Variants in DBH observed in about 807,000 individuals in gnomAD.
The protein encoded by DBH is dopamine beta-hydroxylase (dopamine beta-monooxygenase).
A neutral mutation model predicts 64.0 loss-of-function variants in DBH; 49 were observed. That is an observed-to-expected ratio of 0.77 (90% CI 0.61 to 0.97). The LOEUF is 0.97. DBH is among the 50% of genes least tolerant of loss of function. The pLI is 0.00. For synonymous variants in DBH, 343 were observed against 347.1 expected, an observed-to-expected ratio of 0.99 and a Z score of 0.13; for missense variants, 828 against 826.6, an observed-to-expected ratio of 1.00 and a Z score of -0.02.
At chr9:133,639,459 AG>A (rs1174473417) in intron 1 of DBH, among the ~76,000 whole-genome samples, 1 of 151,990 alleles carries the variant, frequency 6.6e-6, no homozygotes, top group Non-Finnish European at 1.5e-5. Context: ...CATTGGTCTG[AG>A]GCATTGTTCC....
At chr9:133,636,818 T>G in intron 1 of DBH, 108 bp downstream of exon 1, 1 of 1,082,366 alleles carries the variant, frequency 9.2e-7, no homozygotes, top group Non-Finnish European at 1.4e-6. Context: ...TTCTGTCACC[T>G]GTCAGTGTTT....
At position 133,638,730 on chromosome 9, in the gene DBH, A is replaced by C. The variant is rs936782017; in HGVS notation, c.340-1116A>C. 4.6e-5 allele frequency among the ~76,000 whole-genome samples: 7 copies of C among 152,264 alleles called. No individual in the cohort carries two copies. The East Asian group carries it at 1.2e-3, about 25-fold the overall frequency. On this transcript the variant is annotated intron_variant, in intron 1 of 11. Coordinates refer to ENST00000393056, the MANE Select transcript of DBH (RefSeq NM_000787.4). ...TTGGAGGGCAGGACAGGTGTAAACA[A>C]CTCTGACCATCTGTTTGAGCCTTCA... is the stretch of plus-strand genomic sequence containing the variant.
At chr9:133,648,070 G>A in intron 6 of DBH, 58 bp downstream of exon 6, 4 of 1,561,018 alleles carry the variant, frequency 2.6e-6, no homozygotes, top group Non-Finnish European at 2.6e-6. Flanking sequence ...CTCAGTGGAG[G>A]CCTGGCAGGT....
Position 133,651,151 on chromosome 9 carries a change from C to T in DBH, c.1192-483C>T, listed in dbSNP as rs566235929. On this transcript the variant is annotated intron_variant, in intron 6 of 11. Transcript: ENST00000393056. Reference sequence around the variant, plus strand: ...CTTTGAAGCTGAAAGGAAGCCACAACGCAGGGCAGCTGAAGGTCCTGCTCG... The same window carrying T: ...CTTTGAAGCTGAAAGGAAGCCACAATGCAGGGCAGCTGAAGGTCCTGCTCG... 1.3e-4 allele frequency among the ~76,000 whole-genome samples: 20 copies of T among 152,364 alleles called. No individual in the cohort carries two copies. In the East Asian group the frequency reaches 2.9e-3, roughly 22 times the overall value.
In DBH at chr9:133,657,086, G is replaced by A. The variant is rs1832332200; in HGVS notation, c.1579G>A (p.Val527Ile). The A allele has an allele frequency of 6.2e-6, 10 of 1,613,834 alleles. No homozygotes were observed. Among genetic ancestry groups the A allele is most frequent in the African/African-American group, 1.3e-5 (1 of 74,940 alleles). The change falls in exon 11 of 12, where the codon GTC becomes ATC. Residue 527 changes from valine to isoleucine, a missense_variant. Coordinates refer to ENST00000393056, the MANE Select transcript of DBH (RefSeq NM_000787.4). ...HLINRFNNED[V>I]CTCPQASVSQ... ...CCCCACCAGGTTCAACAACGAGGAT[G>A]TCTGCACCTGCCCTCAGGCGTCCGT...
intron 7 of DBH, 27 bp from the exon 8 acceptor site, chr9:133,652,219 C>T (rs1465946710): frequency 1.2e-6 from 2 of 1,613,714 alleles, no homozygotes; most frequent in Non-Finnish European, 1.7e-6. Context: ...TCTCCTCTCC[C>T]CCACCCCTCG....
Position 133,643,377 on chromosome 9 carries a change from G to A in DBH, c.745-36G>A. On this transcript the variant is annotated intron_variant, in intron 3 of 11. Transcript: ENST00000393056. This position sits in a 1 kb window ranked among gnomAD's most constrained non-coding sequence, Gnocchi z 5.3. ...GCTGCTGGGGAGGGGAGGGTGGGCG[G>A]CCGGTTCCCGGGCTCAGAGGGCTGC... is the stretch of plus-strand genomic sequence containing the variant. 1.9e-6 allele frequency: 3 copies of A among 1,611,928 alleles called. No homozygotes were observed. Among genetic ancestry groups the A allele is most frequent in the African/African-American group, 1.3e-5 (1 of 74,928 alleles).
chr9:133,645,908 G>A (rs1832175758), intron 5 of DBH, among the ~76,000 whole-genome samples: 2 of 152,194 alleles, frequency 1.3e-5, no homozygotes, highest in Non-Finnish European at 2.9e-5. Flanking sequence ...GAAAGGGGTA[G>A]GTTATGCTTA....
chr9:133,657,519 G>GGAGAGA (rs1212098005), intron 11 of DBH, among the ~76,000 whole-genome samples: 2 of 146,138 alleles, frequency 1.4e-5, no homozygotes, highest in East Asian at 2.0e-4. Flanking sequence ...AGAGAGAGAG[G>GGAGAGA]GAGAGAGAGA....
chr9:133,641,776 G>A (rs564410126), intron 2 of DBH, among the ~76,000 whole-genome samples: 2 of 152,314 alleles, frequency 1.3e-5, no homozygotes, highest in East Asian at 3.9e-4. Flanking sequence ...CCATCAGCAA[G>A]CCCCAGGGTG....
At chr9:133,652,895 AACG>A in intron 8 of DBH, 42 bp from the exon 9 acceptor site, 6 of 1,512,510 alleles carry the variant, frequency 4.0e-6, no homozygotes, top group Non-Finnish European at 5.5e-6. Context: ...AGCACCTGCC[AACG>A]CCAGGTGGCA....
Position 133,643,285 on chromosome 9 carries a change from G to C in DBH, c.745-128G>C, listed in dbSNP as rs1832138780. The C allele has an allele frequency of 6.3e-6, 6 of 954,508 alleles. No homozygotes were observed. 59.1% of individuals were successfully genotyped at this position (954,508 alleles called of 1,614,324 possible). A position where few individuals can be genotyped will look rare whatever the true frequency, so the allele number is the denominator to read the frequency against. ...CCTCAAGGCTGTGAACCCCAGAAGT[G>C]CCCCTGAAATTGTCTGGATCATCCC... On this transcript the variant is annotated intron_variant, in intron 3 of 11. Transcript: ENST00000393056. The surrounding 1 kb of genome is among the most constrained non-coding windows in gnomAD (Gnocchi z 5.3).
At chr9:133,638,487 A>G (rs927883304) in intron 1 of DBH, among the ~76,000 whole-genome samples, 1 of 152,202 alleles carries the variant, frequency 6.6e-6, no homozygotes, top group Non-Finnish European at 1.5e-5. Flanking sequence ...TCCATGGGAA[A>G]GGCCAGGCAG....
At chr9:133,654,260 C>G (rs531196762) in intron 9 of DBH, among the ~76,000 whole-genome samples, 1 of 152,130 alleles carries the variant, frequency 6.6e-6, no homozygotes, top group Non-Finnish European at 1.5e-5. Flanking sequence ...CCCACCACCA[C>G]GCCTGGCTAA....
chr9:133,653,088 A>C, intron 9 of DBH, 89 bp downstream of exon 9: 1 of 1,018,794 alleles, frequency 9.8e-7, no homozygotes, highest in South Asian at 1.3e-5. Context: ...TTGACTCCTC[A>C]CTTAGGGCAT....
At chr9:133,656,085 T>G in intron 9 of DBH, 1 of 314,338 alleles carries the variant, frequency 3.2e-6, no homozygotes, top group Non-Finnish European at 6.2e-6. Context: ...GGGCCTCCCT[T>G]GCAGTCCTTG....
chr9:133,657,256 C>T (rs1832335847), intron 11 of DBH, 27 bp downstream of exon 11: 1 of 1,612,682 alleles, frequency 6.2e-7, no homozygotes, highest in Admixed American at 1.7e-5. Context: ...CCGGGTGGGG[C>T]ATGCAGTCAG....
In DBH at chr9:133,639,839, TC is replaced by T; in HGVS notation, c.340-6del. On this transcript the variant is annotated splice_polypyrimidine_tract_variant and splice_region_variant and intron_variant, in intron 1 of 11. Transcript: ENST00000393056. Reference sequence around the variant, plus strand: ...TCATGCCTGGAGCCCAGTGCTTGTCTCTGCAGGACGCCTGGAGTGACCAGAA... The same window carrying T: ...TCATGCCTGGAGCCCAGTGCTTGTCTTGCAGGACGCCTGGAGTGACCAGAA... 6.2e-7 allele frequency: 1 copy of T among 1,608,754 alleles called. No individual in the cohort carries two copies. Among genetic ancestry groups the T allele is most frequent in the Non-Finnish European group, 8.5e-7 (1 of 1,178,324 alleles).
At position 133,644,959 on chromosome 9, in the gene DBH, A is replaced by G. The variant is rs28738882; in HGVS notation, c.1024+639A>G. 6.3e-5 allele frequency among the ~76,000 whole-genome samples: 4 copies of G among 63,864 alleles called. No individual in the cohort carries two copies. The East Asian group carries it at 7.9e-4, about 13-fold the overall frequency. 41.9% of individuals were successfully genotyped at this position (63,864 alleles called of 152,430 possible). A position where few individuals can be genotyped will look rare whatever the true frequency, so the allele number is the denominator to read the frequency against. On this transcript the variant is annotated intron_variant, in intron 5 of 11. Transcript: ENST00000393056. ...ACGCACACAATGCACACACACACGC[A>G]CACACACATGCACACATGTACACAT...
Sources: allele counts gnomAD v4.1 joint callset (sites outside exome capture counted in the v4.1 genomes callset), GRCh38; gene constraint gnomAD v4.1.1; non-coding constraint Gnocchi (gnomAD v3.1); transcripts MANE v1.5; gene names NCBI Gene and HGNC (gene_info 2026-07-23, HGNC 2026-07-21).